The following ADCY3 variants were observed in gnomAD, a reference collection of about 807,000 sequenced individuals.
ADCY3 encodes adenylate cyclase 3, also known as adenylate cyclase type 3.
Under a neutral mutation model 119.4 loss-of-function variants are expected in ADCY3, and 70 were observed. The ratio of observed to expected loss-of-function variants is 0.59; its 90% CI spans 0.48 to 0.72. ADCY3 has a LOEUF of 0.72. Among genes scored for constraint, ADCY3 ranks in the 30% least tolerant of loss-of-function variants. The pLI is 0.00. For synonymous variants in ADCY3, 672 were observed against 621.4 expected (o/e 1.08, Z -1.21); for missense variants, 1,238 against 1,541.6 (o/e 0.80, Z 3.30).
intron 2 of ADCY3, among the ~76,000 whole-genome samples, chr2:24,916,098 A>T (rs2149084377): frequency 6.6e-6 from 1 of 152,248 alleles, no homozygotes; most frequent in East Asian, 1.9e-4. Flanking sequence ...CTTGCATGCC[A>T]AGGTCAGGCT....
chr2:24,833,401 C>T (rs895066984), intron 11 of ADCY3, among the ~76,000 whole-genome samples: 2 of 152,178 alleles, frequency 1.3e-5, no homozygotes, highest in Admixed American at 6.5e-5. Flanking sequence ...GGAGAAGGCT[C>T]GCCCCTCACC....
chr2:24,890,740 A>G (rs1444337707), intron 2 of ADCY3, among the ~76,000 whole-genome samples: 1 of 152,096 alleles, frequency 6.6e-6, no homozygotes, highest in Non-Finnish European at 1.5e-5. Flanking sequence ...TCAAATAACC[A>G]GCTTTGGAGT....
chr2:24,863,585 C>T (rs1297263502), intron 3 of ADCY3, among the ~76,000 whole-genome samples: 1 of 152,234 alleles, frequency 6.6e-6, no homozygotes, highest in Non-Finnish European at 1.5e-5. Flanking sequence ...GGAGGTCTCA[C>T]TATGTTGGCC....
At chr2:24,830,035 G>A (rs1669245164) in intron 13 of ADCY3, among the ~76,000 whole-genome samples, 2 of 146,476 alleles carry the variant, frequency 1.4e-5, no homozygotes, top group African/African-American at 5.1e-5. Context: ...CCTAGAGCAA[G>A]TGAATTACCT....
At chr2:24,822,694 A>G in intron 18 of ADCY3, 64 bp from the exon 19 acceptor site, 1 of 1,592,652 alleles carries the variant, frequency 6.3e-7, no homozygotes, top group Non-Finnish European at 8.6e-7. Context: ...CAACCCAGTG[A>G]CAGATGTACC....
chr2:24,904,650 TTC>T (rs1384063876), intron 2 of ADCY3, among the ~76,000 whole-genome samples: 1 of 152,118 alleles, frequency 6.6e-6, no homozygotes, highest in Non-Finnish European at 1.5e-5. Flanking sequence ...TGTAAGTTTC[TTC>T]TCTCTTTTTT....
rs1243743000 is a variant in ADCY3 at position 24,821,013 on chromosome 2, T to G, written c.3128-165A>C. 5.1e-6 allele frequency: 5 copies of G among 971,622 alleles called. No individual in the cohort carries two copies. The East Asian group carries it at 8.2e-5, about 16-fold the overall frequency. 60.2% of individuals were successfully genotyped at this position (971,622 alleles called of 1,614,324 possible). ...ATTGGAGGGTGGAAATCACATCTCCTGTTTATCCGTGTGCTTGTTAGGTGT... is the reference window on the plus strand; with the variant it reads ...ATTGGAGGGTGGAAATCACATCTCCGGTTTATCCGTGTGCTTGTTAGGTGT... On this transcript the variant is annotated intron_variant, in intron 20 of 21. Transcript: ENST00000679454.
intron 18 of ADCY3, among the ~76,000 whole-genome samples, chr2:24,822,985 T>C (rs1668013952): frequency 6.6e-6 from 1 of 152,162 alleles, no homozygotes; most frequent in African/African-American, 2.4e-5. Flanking sequence ...GCTTGGCCAG[T>C]CCTTATCCTT....
chr2:24,897,699 A>G (rs1678442697), intron 2 of ADCY3, among the ~76,000 whole-genome samples: 1 of 152,022 alleles, frequency 6.6e-6, no homozygotes, highest in South Asian at 2.1e-4. Flanking sequence ...AAATCTTCAC[A>G]CTCACACGGG....
chr2:24,912,838 T>C (rs1663953690), intron 2 of ADCY3, among the ~76,000 whole-genome samples: 2 of 152,112 alleles, frequency 1.3e-5, no homozygotes, highest in South Asian at 4.1e-4. Flanking sequence ...CTGGGAAAGC[T>C]CTGTTTATAC....
chr2:24,872,454 G>C lies in ADCY3; in HGVS notation c.825+116C>G. 7.8e-7 allele frequency: 1 copy of C among 1,280,244 alleles called. No homozygotes were observed. Among genetic ancestry groups the C allele is most frequent in the Non-Finnish European group, 1.1e-6 (1 of 923,576 alleles). 79.3% of individuals were successfully genotyped at this position (1,280,244 alleles called of 1,614,324 possible). A position where few individuals can be genotyped will look rare whatever the true frequency, so the allele number is the denominator to read the frequency against. ...GTTCAGAAGCAAACACCTGAACAGG[G>C]TGGATGAACGCCAAGCCCCACGGAG... On this transcript the variant is annotated intron_variant, in intron 3 of 21. Transcript: ENST00000679454. The surrounding 1 kb of genome is among the most constrained non-coding windows in gnomAD (Gnocchi z 4.4).
intron 3 of ADCY3, among the ~76,000 whole-genome samples, chr2:24,858,059 T>C (rs1437867276): frequency 1.3e-5 from 2 of 148,412 alleles, no homozygotes; most frequent in Admixed American, 6.8e-5. Flanking sequence ...AGTGCTGAAG[T>C]GTAGTCACAG....
chr2:24,831,419 C>T (rs1019677133), intron 12 of ADCY3, among the ~76,000 whole-genome samples: 18 of 152,208 alleles, frequency 1.2e-4, no homozygotes, highest in African/African-American at 4.1e-4. Context: ...AGCGCCACGG[C>T]CCAACAAGGC....
chr2:24,868,402 G>A (rs1674563587), intron 3 of ADCY3, among the ~76,000 whole-genome samples: 1 of 152,208 alleles, frequency 6.6e-6, no homozygotes, highest in Non-Finnish European at 1.5e-5. Flanking sequence ...GGCTGGACCT[G>A]GGGGCTCACG....
At chr2:24,821,908 G>T (rs921055879) in intron 19 of ADCY3, 7 of 417,558 alleles carry the variant, frequency 1.7e-5, no homozygotes, top group African/African-American at 1.4e-4. Context: ...CTTCACCTTG[G>T]CTGGGCCTGG....
chr2:24,900,381 C>T (rs569455189), intron 2 of ADCY3, among the ~76,000 whole-genome samples: 3 of 150,812 alleles, frequency 2.0e-5, no homozygotes, highest in Non-Finnish European at 3.0e-5. Flanking sequence ...TTTTTAAAAA[C>T]GTAAATGTTT....
rs946623489 is a variant in ADCY3, at chr2:24,819,691, G to A, written c.*241C>T. 2.3e-6 allele frequency: 1 copy of A among 438,382 alleles called. No individual in the cohort carries two copies. The highest frequency in any genetic ancestry group is 4.0e-6 in the Non-Finnish European group (1 of 247,486). 27.2% of individuals were successfully genotyped at this position (438,382 alleles called of 1,614,324 possible). A position where few individuals can be genotyped will look rare whatever the true frequency, so the allele number is the denominator to read the frequency against. ...CAAGGACGGCAGGGATTGGAACGAG[G>A]GCTCTGGAAGGACTGTTCAGCCCTA... On this transcript the variant is annotated 3_prime_UTR_variant, in exon 22 of 22. Transcript: ENST00000679454.
At chr2:24,902,286 GC>G (rs919956202) in intron 2 of ADCY3, among the ~76,000 whole-genome samples, 2 of 151,868 alleles carry the variant, frequency 1.3e-5, no homozygotes, top group Non-Finnish European at 2.9e-5. Flanking sequence ...TCACTATTTT[GC>G]CCAGTCTAGT....
At chr2:24,820,229 G>C (rs971270900) in intron 21 of ADCY3, 115 bp from the exon 22 acceptor site, 1 of 1,212,174 alleles carries the variant, frequency 8.2e-7, no homozygotes, top group Non-Finnish European at 1.1e-6. Context: ...CAAGCAGTAC[G>C]GGACACTCCC....
Sources: gnomAD v4.1 joint callset for allele counts (sites outside exome capture counted in the v4.1 genomes callset) on GRCh38, gnomAD v4.1.1 for gene constraint, Gnocchi (gnomAD v3.1) non-coding constraint, MANE v1.5 for transcripts, NCBI Gene and HGNC (gene_info 2026-07-23, HGNC 2026-07-21) for gene names.